The following CAMK2A variants were observed in gnomAD, a reference collection of about 807,000 sequenced individuals.
CAMK2A encodes the protein calcium/calmodulin dependent protein kinase II alpha, also known as calcium/calmodulin-dependent protein kinase type II subunit alpha.
In CAMK2A, 7 loss-of-function variants were observed where a neutral mutation model predicts 79.2. The observed-to-expected ratio is 0.09, with a 90% CI of 0.05 to 0.17. The LOEUF (loss-of-function observed/expected upper bound fraction) is 0.17, where lower values mean the gene tolerates loss of function less well. Among genes scored for constraint, CAMK2A ranks in the 10% least tolerant of loss-of-function variants. The pLI is 1.00. For synonymous variants in CAMK2A, 242 were observed against 251.7 expected (o/e 0.96, Z 0.36); for missense variants, 214 against 646.4 (o/e 0.33, Z 7.25).
intron 1 of CAMK2A, among the ~76,000 whole-genome samples, chr5:150,275,381 GT>G (rs148795877): frequency 2.6e-5 from 4 of 151,838 alleles, no homozygotes; most frequent in Admixed American, 2.0e-4. Flanking sequence ...CTATGAAGGG[GT>G]TTTTTTTCAC....
intron 12 of CAMK2A, among the ~76,000 whole-genome samples, chr5:150,246,931 G>A (rs1303540060): frequency 6.6e-6 from 1 of 152,202 alleles, no homozygotes; most frequent in Non-Finnish European, 1.5e-5. Context: ...CCTCGGGTGA[G>A]CTTTGCTCTA....
intron 15 of CAMK2A, among the ~76,000 whole-genome samples, chr5:150,235,018 A>C (rs978436295): frequency 1.3e-5 from 2 of 152,198 alleles, no homozygotes; most frequent in African/African-American, 4.8e-5. Flanking sequence ...AATCCTTGAG[A>C]GTCCTGGAGC....
At chr5:150,237,940 TG>T (rs989767312) in intron 15 of CAMK2A, among the ~76,000 whole-genome samples, 2 of 151,216 alleles carry the variant, frequency 1.3e-5, no homozygotes, top group African/African-American at 4.9e-5. Context: ...GCATCTTTGG[TG>T]GGTCTTAGGC....
At chr5:150,225,751 TA>T (rs1184357288) in intron 17 of CAMK2A, among the ~76,000 whole-genome samples, 1,494 of 41,508 alleles carry the variant, frequency 0.036, 22 homozygotes, top group African/African-American at 0.063. Context: ...TTATTATTAT[TA>T]TTATTTTTTT....
chr5:150,252,214 T>C (rs1475497244), intron 7 of CAMK2A, 149 bp from the exon 8 acceptor site: 1 of 652,726 alleles, frequency 1.5e-6, no homozygotes, highest in Admixed American at 2.7e-5. Flanking sequence ...GGGCTTGTAT[T>C]GTGCAACCCC....
intron 13 of CAMK2A, 25 bp from the exon 14 acceptor site, chr5:150,239,761 G>A: frequency 6.2e-7 from 1 of 1,610,444 alleles, no homozygotes; most frequent in Non-Finnish European, 8.5e-7. Flanking sequence ...AGAAGAGATG[G>A]GACAGGAAAA....
Position 150,251,807 on chromosome 5 carries a change from C to T in CAMK2A, c.636G>A (p.Pro212=), listed in dbSNP as rs752482081. 4.7e-5 allele frequency: 76 copies of T among 1,608,224 alleles called. No homozygotes were observed. The highest frequency in any genetic ancestry group is 4.0e-5 in the African/African-American group (3 of 74,714). ...GGCGGTGCTGGTCCTCATCCCAGAA[C>T]GGGGGGTACCCAACCAGCAGGATGT... The part of the protein sequence containing the change: ...ILYILLVGYP[P]FWDEDQHRLY... The change falls in exon 9 of 19, where the codon CCG becomes CCA. Residue 212 remains proline, a synonymous_variant. Coordinates refer to ENST00000671881, the MANE Select transcript of CAMK2A (RefSeq NM_015981.4).
chr5:150,251,822 C>T lies in CAMK2A; in HGVS notation c.621G>A (p.Leu207=), dbSNP rs1303046806. Residue 207 remains leucine (L), a synonymous_variant, in exon 9 of 19, where the codon CTG becomes CTA. Coordinates refer to ENST00000671881, the MANE Select transcript of CAMK2A (RefSeq NM_015981.4). ...CATCCCAGAACGGGGGGTACCCAAC[C>T]AGCAGGATGTACAGGATGACCCCTG... ...WACGVILYIL[L]VGYPPFWDED... 5.6e-6 allele frequency: 9 copies of T among 1,606,552 alleles called. No individual in the cohort carries two copies. Among genetic ancestry groups the T allele is most frequent in the Non-Finnish European group, 6.0e-6 (7 of 1,176,452 alleles).
chr5:150,238,819 G>C, intron 14 of CAMK2A, 71 bp from the exon 15 acceptor site: 2 of 1,326,254 alleles, frequency 1.5e-6, no homozygotes, highest in South Asian at 3.0e-5. Flanking sequence ...GGCCCTGGCT[G>C]CCTGGTGACG....
intron 3 of CAMK2A, among the ~76,000 whole-genome samples, chr5:150,261,883 A>C (rs1756319557): frequency 6.6e-6 from 1 of 152,214 alleles, no homozygotes; most frequent in Non-Finnish European, 1.5e-5. Flanking sequence ...TTAGCACAGC[A>C]CCTGGCACTA....
intron 15 of CAMK2A, among the ~76,000 whole-genome samples, chr5:150,237,319 G>A (rs1356368240): frequency 2.0e-5 from 3 of 151,738 alleles, no homozygotes; most frequent in Non-Finnish European, 4.4e-5. Flanking sequence ...ATCTAAACTG[G>A]TACTGCTGAG....
Position 150,223,056 on chromosome 5 carries a change from G to T in CAMK2A, c.1399C>A (p.His467Asn). 1 of 1,614,226 alleles carries T rather than the reference G, an allele frequency of 6.2e-7. No individual in the cohort carries two copies. The highest frequency in any genetic ancestry group is 1.1e-5 in the South Asian group (1 of 91,086). Reference protein sequence around the residue: ...TAQSEETRVWHRRDGKWQIVH... With the variant: ...TAQSEETRVWNRRDGKWQIVH... ...ATCTGCCATTTGCCATCCCGGCGGT[G>T]CCAGACACGGGTCTCCTCCGACTGG... The change falls in exon 18 of 19, where the codon CAC (histidine) becomes AAC (asparagine). Residue 467 changes from histidine to asparagine, a missense_variant. This residue lies in a region of CAMK2A where 123 missense variants were observed against 242.4 expected (regional missense o/e 0.51). Transcript: ENST00000671881. This position sits in a 1 kb window ranked among gnomAD's most constrained non-coding sequence, Gnocchi z 4.1.
At chr5:150,230,508 T>A (rs1754795859) in intron 16 of CAMK2A, among the ~76,000 whole-genome samples, 1 of 152,172 alleles carries the variant, frequency 6.6e-6, no homozygotes, top group East Asian at 1.9e-4. Context: ...TGGCTGGCAG[T>A]CTTTGTCCTC....
At position 150,284,584 on chromosome 5, in the gene CAMK2A, G is replaced by A. The variant is rs944341691; in HGVS notation, c.62+4980C>T. 3.3e-5 allele frequency among the ~76,000 whole-genome samples: 5 copies of A among 152,170 alleles called. No individual in the cohort carries two copies. The highest frequency in any genetic ancestry group is 3.9e-4 in the East Asian group (2 of 5,194). ...CTGCGCGGGGGCGGAGGGCTGCAGC[G>A]TGCACCAGAACATGTGCGTGCCTGC... On this transcript the variant is annotated intron_variant, in intron 1 of 18. Transcript: ENST00000671881. The surrounding 1 kb of genome is among the most constrained non-coding windows in gnomAD (Gnocchi z 5.3).
chr5:150,281,410 GAA>G (rs1757210763), intron 1 of CAMK2A, among the ~76,000 whole-genome samples: 1 of 152,246 alleles, frequency 6.6e-6, no homozygotes, highest in Non-Finnish European at 1.5e-5. Context: ...TGGGGGAAGA[GAA>G]AGAGCTGGGG....
At chr5:150,254,520 A>T (rs548495060) in intron 6 of CAMK2A, among the ~76,000 whole-genome samples, 1 of 152,208 alleles carries the variant, frequency 6.6e-6, no homozygotes, top group African/African-American at 2.4e-5. Context: ...GATGAGGCTT[A>T]TACATGGGGC....
intron 17 of CAMK2A, among the ~76,000 whole-genome samples, chr5:150,225,941 C>T (rs1266938101): frequency 6.6e-6 from 1 of 152,138 alleles, no homozygotes. Flanking sequence ...GATGGCGTTT[C>T]ACCATGTTGG....
chr5:150,267,375 A>C (rs966488540), intron 2 of CAMK2A, among the ~76,000 whole-genome samples: 5 of 152,266 alleles, frequency 3.3e-5, no homozygotes, highest in African/African-American at 7.2e-5. Flanking sequence ...TTCAGGAAGC[A>C]GAAGCCCCAA....
chr5:150,266,841 C>T (rs1348300421), intron 2 of CAMK2A, among the ~76,000 whole-genome samples: 3 of 152,126 alleles, frequency 2.0e-5, no homozygotes, highest in African/African-American at 4.8e-5. Context: ...CCTGAATGGC[C>T]CTCTCAGAGT....
Sources: gnomAD v4.1 joint callset for allele counts (sites outside exome capture counted in the v4.1 genomes callset) on GRCh38, gnomAD v4.1.1 for gene constraint, gnomAD v4.1.1 regional missense constraint, Gnocchi (gnomAD v3.1) non-coding constraint, MANE v1.5 for transcripts, NCBI Gene and HGNC (gene_info 2026-07-23, HGNC 2026-07-21) for gene names.